Variants in FERRY3 observed in about 807,000 individuals in gnomAD.
FERRY3 encodes protein C12orf4.
chr12:4,518,222 A>T, the FERRY3 span: 1 of 1,614,148 alleles, frequency 6.2e-7, no homozygotes, highest in Non-Finnish European at 8.5e-7. Context: ...TGCTCTCAGC[A>T]ATCTCAAATT....
chr12:4,517,684 A>AATATATATATAT, the FERRY3 span, among the ~76,000 whole-genome samples: 82 of 140,538 alleles, frequency 5.8e-4, no homozygotes, highest in African/African-American at 1.9e-3. Flanking sequence ...AGGTTATTAA[A>AATATATATATAT]ATATATATAT....
the FERRY3 span, chr12:4,490,529 AC>A: frequency 6.2e-7 from 1 of 1,602,918 alleles, no homozygotes; most frequent in Non-Finnish European, 8.5e-7. Flanking sequence ...TACCTGTGGT[AC>A]TAGAAATTGC....
the FERRY3 span, chr12:4,489,751 C>T: frequency 2.3e-6 from 3 of 1,278,522 alleles, no homozygotes; most frequent in South Asian, 1.3e-5. Context: ...CAGCATAGCA[C>T]AAGTTCCTGG....
the FERRY3 span, among the ~76,000 whole-genome samples, chr12:4,497,305 A>G: frequency 3.3e-5 from 5 of 152,294 alleles, no homozygotes; most frequent in African/African-American, 1.2e-4. Context: ...AGCAAGCCCA[A>G]CTAATCCATA....
chr12:4,536,064 T>TG, the FERRY3 span: 1 of 1,608,180 alleles, frequency 6.2e-7, no homozygotes, highest in South Asian at 1.1e-5. Flanking sequence ...CAGACGTCCA[T>TG]GCAAATGACT....
At chr12:4,510,661 G>A in the FERRY3 span, among the ~76,000 whole-genome samples, 1 of 151,058 alleles carries the variant, frequency 6.6e-6, no homozygotes, top group Non-Finnish European at 1.5e-5. Context: ...CGTAAGTGAA[G>A]GAGAAATAAA....
chr12:4,526,956 G>A, the FERRY3 span, among the ~76,000 whole-genome samples: 1 of 151,806 alleles, frequency 6.6e-6, no homozygotes, highest in East Asian at 1.9e-4. Context: ...TATACCTTCT[G>A]GTAGTAAATA....
the FERRY3 span, chr12:4,489,755 T>C: frequency 7.5e-7 from 1 of 1,326,922 alleles, no homozygotes; most frequent in Admixed American, 1.9e-5. Context: ...ATAGCACAAG[T>C]TCCTGGAGAG....
chr12:4,499,375 G>A, the FERRY3 span, among the ~76,000 whole-genome samples: 45 of 152,300 alleles, frequency 3.0e-4, no homozygotes, highest in Middle Eastern at 0.014. Context: ...ACCAAGTTGA[G>A]CACTGGCTCT....
chr12:4,520,345 C>G, the FERRY3 span, among the ~76,000 whole-genome samples: 1 of 152,146 alleles, frequency 6.6e-6, no homozygotes, highest in African/African-American at 2.4e-5. Flanking sequence ...ACAAAGACAA[C>G]AAAGATGGAG....
At chr12:4,502,617 C>T in the FERRY3 span, 3 of 314,766 alleles carry the variant, frequency 9.5e-6, no homozygotes, top group Non-Finnish European at 1.2e-5. This position sits in a 1 kb window ranked among gnomAD's most constrained non-coding sequence, Gnocchi z 4.2. Context: ...TTAACCTTTG[C>T]CCTCACAAAT....
the FERRY3 span, among the ~76,000 whole-genome samples, chr12:4,510,762 G>A: frequency 6.9e-6 from 1 of 145,216 alleles, no homozygotes; most frequent in Non-Finnish European, 1.5e-5. Flanking sequence ...ACATGGAAAG[G>A]AACAACCGGT....
At chr12:4,518,354 G>A in the FERRY3 span, 37 of 1,079,750 alleles carry the variant, frequency 3.4e-5, no homozygotes, top group Admixed American at 4.7e-5. Context: ...AGATAAATCT[G>A]TACCACAAAA....
chr12:4,533,941 T>C, the FERRY3 span: 1 of 389,660 alleles, frequency 2.6e-6, no homozygotes, highest in East Asian at 4.1e-5. Flanking sequence ...TATATGCAAG[T>C]AGCCTCTTGT....
chr12:4,534,693 T>C, the FERRY3 span, among the ~76,000 whole-genome samples: 18 of 152,274 alleles, frequency 1.2e-4, no homozygotes, highest in East Asian at 3.1e-3. Context: ...GTGAGCCACC[T>C]TGCCCAGACA....
the FERRY3 span, among the ~76,000 whole-genome samples, chr12:4,533,295 A>G: frequency 6.6e-6 from 1 of 152,076 alleles, no homozygotes; most frequent in East Asian, 1.9e-4. Context: ...AAACAAACAA[A>G]CAAACCTCTG....
chr12:4,493,056 T>A, the FERRY3 span, among the ~76,000 whole-genome samples: 1 of 152,246 alleles, frequency 6.6e-6, no homozygotes, highest in Non-Finnish European at 1.5e-5. Context: ...TAATTCCATC[T>A]ATTGAACCTG....
At chr12:4,498,412 A>G in the FERRY3 span, among the ~76,000 whole-genome samples, 1 of 152,194 alleles carries the variant, frequency 6.6e-6, no homozygotes, top group Non-Finnish European at 1.5e-5. Context: ...CTAAAACTTT[A>G]TAAAGCTACA....
chr12:4,519,093 A>C, the FERRY3 span, among the ~76,000 whole-genome samples: 1 of 152,240 alleles, frequency 6.6e-6, no homozygotes, highest in Admixed American at 6.5e-5. This position sits in a 1 kb window ranked among gnomAD's most constrained non-coding sequence, Gnocchi z 4.3. Context: ...TAAATAAAGC[A>C]GATTATTATT....
Sources: allele counts gnomAD v4.1 joint callset (sites outside exome capture counted in the v4.1 genomes callset), GRCh38; gene constraint gnomAD v4.1.1; non-coding constraint Gnocchi (gnomAD v3.1); transcripts MANE v1.5; gene names NCBI Gene and HGNC (gene_info 2026-07-23, HGNC 2026-07-21).